The following PHTF1 variants were observed in gnomAD, a reference collection of about 807,000 sequenced individuals.
PHTF1 encodes the protein putative homeodomain transcription factor 1, also known as protein PHTF1.
PHTF1 carries 88 observed loss-of-function variants against 102.4 expected under a neutral mutation model. The observed-to-expected ratio is 0.86, with a 90% CI of 0.72 to 1.03. The LOEUF is 1.03. PHTF1 is among the 50% of genes least tolerant of loss of function. The pLI is 0.00. For synonymous variants in PHTF1, 289 were observed against 305.2 expected, an observed-to-expected ratio of 0.95 and a Z score of 0.55; for missense variants, 814 against 909.5, an observed-to-expected ratio of 0.89 and a Z score of 1.35.
chr1:113,715,781 A>AAT (rs1392282082), intron 7 of PHTF1, among the ~76,000 whole-genome samples: 1 of 151,562 alleles, frequency 6.6e-6, no homozygotes, highest in Non-Finnish European at 1.5e-5. Context: ...TAAAAAAAAA[A>AAT]AATCAAACAA....
intron 3 of PHTF1, among the ~76,000 whole-genome samples, chr1:113,745,992 G>A (rs1036585222): frequency 2.6e-5 from 4 of 152,210 alleles, no homozygotes; most frequent in Non-Finnish European, 5.9e-5. Flanking sequence ...GGTCTCTGGT[G>A]CCAAAAAGGT....
intron 7 of PHTF1, among the ~76,000 whole-genome samples, chr1:113,722,012 T>C (rs1052744820): frequency 6.6e-6 from 1 of 152,014 alleles, no homozygotes; most frequent in Non-Finnish European, 1.5e-5. Context: ...ATAGCATTTC[T>C]ATATGCCAAC....
At chr1:113,748,276 A>G (rs541265832) in intron 3 of PHTF1, among the ~76,000 whole-genome samples, 1 of 151,616 alleles carries the variant, frequency 6.6e-6, no homozygotes, top group South Asian at 2.1e-4. Context: ...ACCATGCCCA[A>G]CGAAAAGATC....
At chr1:113,710,521 A>G in intron 10 of PHTF1, 46 bp from the exon 11 acceptor site, 1 of 1,391,798 alleles carries the variant, frequency 7.2e-7, no homozygotes, top group Admixed American at 1.8e-5. Context: ...ATCTTTAAAA[A>G]TAATTACATG....
chr1:113,747,117 T>C (rs894252955), intron 3 of PHTF1, among the ~76,000 whole-genome samples: 12 of 152,260 alleles, frequency 7.9e-5, no homozygotes, highest in African/African-American at 2.9e-4. Flanking sequence ...ACACTATTAA[T>C]GATTACAGCA....
In PHTF1 at chr1:113,712,018, A is replaced by G. The variant is rs1170530837; in HGVS notation, c.879T>C (p.Ser293=). The change falls in exon 9 of 19, where the codon AGT becomes AGC. Residue 293 remains serine (S), a synonymous_variant. Transcript: ENST00000369604. The stretch of plus-strand genomic sequence containing the variant: ...CATTGTCACTTGAGGCCCCTTCCAC[A>G]CTCCTACGCAATAATATCATCTGTG... ...ARTQMILLRR[S]VEGASSDNGC... is the part of the protein sequence containing the mutation. 3 of 1,613,610 alleles carry G rather than the reference A, an allele frequency of 1.9e-6. No individual in the cohort carries two copies. In the African/African-American group the frequency reaches 4.0e-5, roughly 22 times the overall value.
intron 4 of PHTF1, 107 bp from the exon 5 acceptor site, chr1:113,738,375 C>T: frequency 2.6e-6 from 2 of 773,598 alleles, no homozygotes; most frequent in Non-Finnish European, 4.1e-6. Context: ...CAGCACAAAA[C>T]CTGTTCAGTT....
chr1:113,701,826 T>TAAAAAAA (rs34844793), intron 15 of PHTF1, among the ~76,000 whole-genome samples: 18 of 28,000 alleles, frequency 6.4e-4, no homozygotes, highest in South Asian at 1.6e-3. Flanking sequence ...CAATTCCTGG[T>TAAAAAAA]AAAAAAAAAA....
chr1:113,704,314 C>T (rs187590158), intron 14 of PHTF1, 147 bp from the exon 15 acceptor site: 331 of 525,720 alleles, frequency 6.3e-4, no homozygotes, highest in Admixed American at 1.3e-3. Context: ...ATATTTTGGA[C>T]GTCATCAACT....
Position 113,726,577 on chromosome 1 carries a change from G to T in PHTF1, c.332-3C>A. The T allele has an allele frequency of 6.5e-7, 1 of 1,547,018 alleles. No homozygotes were observed. Among genetic ancestry groups the T allele is most frequent in the Non-Finnish European group, 8.7e-7 (1 of 1,143,230 alleles). On this transcript the variant is annotated splice_region_variant and splice_polypyrimidine_tract_variant and intron_variant, in intron 5 of 18. Transcript: ENST00000369604. Reference sequence around the variant, plus strand: ...CAAATATAAGACAATTGCTATAACTGAAAAGAAGAGGTTTTAAGATGTAAA... The same window carrying T: ...CAAATATAAGACAATTGCTATAACTTAAAAGAAGAGGTTTTAAGATGTAAA...
chr1:113,738,367 G>A, intron 4 of PHTF1, 99 bp from the exon 5 acceptor site: 1 of 815,982 alleles, frequency 1.2e-6, no homozygotes, highest in South Asian at 2.0e-5. Flanking sequence ...GCAAAAATCA[G>A]CACAAAACCT....
At chr1:113,705,296 C>A (rs759106927) in intron 13 of PHTF1, among the ~76,000 whole-genome samples, 34 of 152,014 alleles carry the variant, frequency 2.2e-4, no homozygotes, top group Non-Finnish European at 4.9e-4. Flanking sequence ...AAAAATTAGT[C>A]GGGTGTGGTG....
chr1:113,734,340 A>G (rs1013150397), intron 5 of PHTF1, among the ~76,000 whole-genome samples: 5 of 152,230 alleles, frequency 3.3e-5, no homozygotes, highest in African/African-American at 1.2e-4. Flanking sequence ...CTTCTTAAAG[A>G]ATACCTAAGT....
At chr1:113,740,485 G>A (rs1236898066) in intron 3 of PHTF1, among the ~76,000 whole-genome samples, 1 of 152,118 alleles carries the variant, frequency 6.6e-6, no homozygotes, top group Admixed American at 6.6e-5. Context: ...CAGATGAAAA[G>A]TTTGCAAATG....
At chr1:113,738,847 T>TTTTA (rs754276782) in intron 3 of PHTF1, 48 bp from the exon 4 acceptor site, 20 of 1,257,294 alleles carry the variant, frequency 1.6e-5, no homozygotes, top group South Asian at 8.1e-5. Context: ...AGAAAAGCCC[T>TTTTA]TTTATTTATT....
At chr1:113,714,606 G>A (rs375110590) in intron 7 of PHTF1, 1 of 152,336 alleles carries the variant, frequency 6.6e-6, no homozygotes, top group African/African-American at 2.4e-5. Context: ...TGTGAGCTCA[G>A]CTGCTGTAGA....
At position 113,698,267 on chromosome 1, in the gene PHTF1, T is replaced by C. The variant is rs1440195719; in HGVS notation, c.2263A>G (p.Ile755Val). 10 of 1,605,256 alleles carry C rather than the reference T, an allele frequency of 6.2e-6. No homozygotes were observed. The Admixed American group carries it at 8.4e-5, about 13-fold the overall frequency. Residue 755 changes from isoleucine to valine, a missense_variant, in exon 18 of 19, where the codon ATA (isoleucine) becomes GTA (valine). Coordinates refer to ENST00000369604, the MANE Select transcript of PHTF1 (RefSeq NM_001323043.2). Reference sequence around the variant, plus strand: ...AGAGTGGTGGTGATACTTACTCTTATATTAAATCCTAGAAGATCACTTATA... The same window carrying C: ...AGAGTGGTGGTGATACTTACTCTTACATTAAATCCTAGAAGATCACTTATA... ...GVISDLLGFN[I>V]RLWKIKS
intron 3 of PHTF1, among the ~76,000 whole-genome samples, chr1:113,747,362 C>G (rs992421176): frequency 6.6e-6 from 1 of 152,222 alleles, no homozygotes; most frequent in African/African-American, 2.4e-5. Flanking sequence ...TAAACTCCCT[C>G]TGTTACATAT....
chr1:113,728,328 A>G (rs1475807850), intron 5 of PHTF1, among the ~76,000 whole-genome samples: 8 of 152,238 alleles, frequency 5.3e-5, no homozygotes, highest in Non-Finnish European at 8.8e-5. Context: ...AAGACATACA[A>G]ATGGCAAACA....
Sources: allele counts gnomAD v4.1 joint callset (sites outside exome capture counted in the v4.1 genomes callset), GRCh38; gene constraint gnomAD v4.1.1; transcripts MANE v1.5; gene names NCBI Gene and HGNC (gene_info 2026-07-23, HGNC 2026-07-21).